SRGAP1: variants seen among roughly 807,000 people sequenced by gnomAD.
The protein encoded by SRGAP1 is SLIT-ROBO Rho GTPase activating protein 1.
SRGAP1 carries 43 observed loss-of-function variants against 121.9 expected under a neutral mutation model. The ratio of observed to expected loss-of-function variants is 0.35; its 90% CI spans 0.28 to 0.46. The LOEUF (loss-of-function observed/expected upper bound fraction) is 0.46. SRGAP1 is among the 20% of genes least tolerant of loss of function. The pLI is 1.00. For synonymous variants in SRGAP1, 447 were observed against 485.4 expected (o/e 0.92, Z 1.04); for missense variants, 1,102 against 1,350.9 (o/e 0.82, Z 2.89).
rs2037171090 is a variant in SRGAP1, at chr12:64,157,305, T to G, written c.*14633T>G. The G allele has an allele frequency of 6.6e-6, 1 of 152,244 alleles. No individual in the cohort carries two copies. The allele number at this position is 152,244 out of a possible 1,614,324, so 9.4% of individuals were successfully genotyped here. A position where few individuals can be genotyped will look rare whatever the true frequency, so the allele number is the denominator to read the frequency against. On this transcript the variant is annotated 3_prime_UTR_variant, in exon 22 of 22. Transcript: ENST00000355086. The stretch of plus-strand genomic sequence containing the variant: ...CTGTATGAGAGTAATTGATGCTAGC[T>G]GCTGTAACAAACAACCCCCCAAACT...
chr12:63,858,441 A>G (rs1395444911), intron 1 of SRGAP1, among the ~76,000 whole-genome samples: 1 of 151,896 alleles, frequency 6.6e-6, no homozygotes, highest in Non-Finnish European at 1.5e-5. Flanking sequence ...TCGGCCTTTC[A>G]AAGTGCTGGG....
intron 15 of SRGAP1, among the ~76,000 whole-genome samples, chr12:64,104,959 C>A (rs574781564): frequency 6.6e-6 from 1 of 151,824 alleles, no homozygotes; most frequent in Non-Finnish European, 1.5e-5. Context: ...GTGTACAGTT[C>A]GGTGGCATTA....
At chr12:63,955,619 T>A (rs2032440583) in intron 1 of SRGAP1, among the ~76,000 whole-genome samples, 1 of 152,166 alleles carries the variant, frequency 6.6e-6, no homozygotes, top group South Asian at 2.1e-4. Flanking sequence ...AAGGAGTTAA[T>A]TCTCAATGTT....
intron 18 of SRGAP1, among the ~76,000 whole-genome samples, chr12:64,121,300 GC>G (rs2036602872): frequency 6.6e-6 from 1 of 152,072 alleles, no homozygotes; most frequent in Non-Finnish European, 1.5e-5. Flanking sequence ...AGCCACCCAC[GC>G]CCCGCCTTCC....
rs535384173 is a variant in SRGAP1 at position 63,991,834 on chromosome 12, C to T, written c.426+1762C>T. ...ACTCTACTGAGTTCATTTATTTATC[C>T]ATTCAACAAAGCATCTTTAAAATGC... On this transcript the variant is annotated intron_variant, in intron 3 of 21. Transcript: ENST00000355086. Among the ~76,000 whole-genome samples, 12 of 152,274 alleles carry T rather than the reference C, an allele frequency of 7.9e-5. 1 individual carries two copies. In the South Asian group the frequency reaches 2.5e-3, roughly 32 times the overall value.
At chr12:63,877,640 TATC>T (rs1018664461) in intron 1 of SRGAP1, among the ~76,000 whole-genome samples, 42 of 152,340 alleles carry the variant, frequency 2.8e-4, no homozygotes, top group African/African-American at 9.1e-4. Context: ...AATATTAAAT[TATC>T]ATTTTATAAA....
intron 3 of SRGAP1, among the ~76,000 whole-genome samples, chr12:63,997,876 T>G (rs1423203636): frequency 6.6e-6 from 1 of 152,140 alleles, no homozygotes; most frequent in Non-Finnish European, 1.5e-5. Context: ...GACGGCAGAT[T>G]CTACATGGGC....
At chr12:63,916,469 C>T (rs1389830196) in intron 1 of SRGAP1, among the ~76,000 whole-genome samples, 1 of 152,196 alleles carries the variant, frequency 6.6e-6, no homozygotes, top group Non-Finnish European at 1.5e-5. Flanking sequence ...ACATTTATTA[C>T]TTGTCTGCAG....
chr12:63,957,824 C>G (rs1212504153), intron 1 of SRGAP1, among the ~76,000 whole-genome samples: 1 of 152,066 alleles, frequency 6.6e-6, no homozygotes, highest in Non-Finnish European at 1.5e-5. Context: ...TTTTCCCTTC[C>G]TTTGTGCATG....
intron 2 of SRGAP1, among the ~76,000 whole-genome samples, chr12:63,986,626 C>A (rs554966102): frequency 1.3e-5 from 2 of 152,134 alleles, no homozygotes; most frequent in Non-Finnish European, 2.9e-5. Context: ...TTTTGCCATG[C>A]TGGCTAGGCT....
chr12:64,061,201 C>T (rs1279595266), intron 6 of SRGAP1, among the ~76,000 whole-genome samples: 3 of 151,978 alleles, frequency 2.0e-5, no homozygotes, highest in Admixed American at 6.6e-5. Flanking sequence ...AATCTCAAAG[C>T]TGTTATATTC....
At position 64,018,847 on chromosome 12, in the gene SRGAP1, C is replaced by G. The variant is rs896144594; in HGVS notation, c.489+1835C>G. On this transcript the variant is annotated intron_variant, in intron 4 of 21. Transcript: ENST00000355086. ...GCTTCTGATACCCTAAGGTATCAAC[C>G]ATTTCTAGAAGCCCAGTAATTTAAA... Among the ~76,000 whole-genome samples the G allele has an allele frequency of 3.3e-5, 5 of 152,120 alleles. No individual in the cohort carries two copies. In the South Asian group the frequency reaches 8.3e-4, roughly 25 times the overall value.
intron 21 of SRGAP1, among the ~76,000 whole-genome samples, chr12:64,135,544 A>G (rs2036844622): frequency 6.6e-6 from 1 of 152,140 alleles, no homozygotes; most frequent in Admixed American, 6.5e-5. Flanking sequence ...TACTCCATAC[A>G]AATGTATTAT....
At chr12:64,036,202 CAG>C (rs974337398) in intron 4 of SRGAP1, among the ~76,000 whole-genome samples, 2 of 152,114 alleles carry the variant, frequency 1.3e-5, no homozygotes, top group African/African-American at 4.8e-5. Context: ...CTCAAGCCGC[CAG>C]AGAGACAGCT....
chr12:63,948,812 T>C (rs566626145), intron 1 of SRGAP1, among the ~76,000 whole-genome samples: 1 of 144,732 alleles, frequency 6.9e-6, no homozygotes, highest in East Asian at 2.1e-4. Context: ...ATATATTCCA[T>C]ATATATGTTT....
At chr12:63,902,596 T>C (rs577628927) in intron 1 of SRGAP1, among the ~76,000 whole-genome samples, 3 of 152,348 alleles carry the variant, frequency 2.0e-5, no homozygotes, top group African/African-American at 7.2e-5. Flanking sequence ...GATTTGGTTA[T>C]AAAGTAACTA....
chr12:64,135,340 C>T (rs1067637), intron 21 of SRGAP1, among the ~76,000 whole-genome samples: 85,307 of 151,910 alleles, frequency 0.56, 24,392 homozygotes, highest in African/African-American at 0.67. Flanking sequence ...GTGTCTGGTT[C>T]TCCATAATTT....
chr12:64,112,311 AT>A (rs942345028), intron 17 of SRGAP1, among the ~76,000 whole-genome samples: 1 of 152,142 alleles, frequency 6.6e-6, no homozygotes, highest in Non-Finnish European at 1.5e-5. Flanking sequence ...TTGACATTTT[AT>A]TTTTCAGTCT....
chr12:63,989,102 G>A (rs1323603021), intron 2 of SRGAP1, among the ~76,000 whole-genome samples: 1 of 152,160 alleles, frequency 6.6e-6, no homozygotes, highest in Non-Finnish European at 1.5e-5. Context: ...GAGCCACCAC[G>A]CCCAGCTGCA....
Sources: allele counts gnomAD v4.1 joint callset (sites outside exome capture counted in the v4.1 genomes callset), GRCh38; gene constraint gnomAD v4.1.1; transcripts MANE v1.5; gene names NCBI Gene and HGNC (gene_info 2026-07-23, HGNC 2026-07-21).